PPP1R16B: variants seen among roughly 807,000 people sequenced by gnomAD.
The protein encoded by PPP1R16B is protein phosphatase 1 regulatory subunit 16B, also known as protein phosphatase 1 regulatory inhibitor subunit 16B.
A neutral mutation model predicts 61.7 loss-of-function variants in PPP1R16B; 14 were observed. That is an observed-to-expected ratio of 0.23 (90% CI 0.15 to 0.35). The LOEUF (loss-of-function observed/expected upper bound fraction) is 0.35. PPP1R16B is among the 10% of genes least tolerant of loss of function. The pLI is 1.00. For missense variants in PPP1R16B, 547 were observed against 752.5 expected (o/e 0.73, Z 3.19); for synonymous variants, 266 against 305.3 (o/e 0.87, Z 1.34).
At chr20:38,856,589 A>G (rs957626097) in intron 2 of PPP1R16B, among the ~76,000 whole-genome samples, 6 of 152,136 alleles carry the variant, frequency 3.9e-5, no homozygotes, top group Non-Finnish European at 7.4e-5. Flanking sequence ...CACAACTCAC[A>G]TCTGAGCCCC....
chr20:38,873,885 C>A (rs112922750), intron 2 of PPP1R16B, among the ~76,000 whole-genome samples: 59 of 152,130 alleles, frequency 3.9e-4, no homozygotes, highest in Non-Finnish European at 7.2e-4. Context: ...TGTGCCACCA[C>A]ACTCGGCTAA....
At chr20:38,855,978 A>AGGAGGAGGAGGAGGAGGAG (rs1555804346) in intron 2 of PPP1R16B, among the ~76,000 whole-genome samples, 50 of 29,752 alleles carry the variant, frequency 1.7e-3, no homozygotes, top group South Asian at 5.1e-3. Context: ...AGAGAGAGAG[A>AGGAGGAGGAGGAGGAGGAG]GAGAAGGAGG....
chr20:38,816,972 T>A (rs1158484751), intron 1 of PPP1R16B, among the ~76,000 whole-genome samples: 2 of 152,216 alleles, frequency 1.3e-5, no homozygotes, highest in African/African-American at 4.8e-5. Flanking sequence ...CACTCTCTCA[T>A]GGCAGAACAG....
At position 38,888,922 on chromosome 20, in the gene PPP1R16B, CA is replaced by C. The variant is rs1568675493; in HGVS notation, c.251-672del. On this transcript the variant is annotated intron_variant, in intron 2 of 10. Coordinates refer to ENST00000299824, the MANE Select transcript of PPP1R16B (RefSeq NM_015568.4). ...ACACACACACACACACACACACACA[CA>C]CACACCCCTAGACAAAATTCTAGGG... Among the ~76,000 whole-genome samples the C allele has an allele frequency of 3.8e-4, 57 of 149,946 alleles. 1 individual carries two copies. Among genetic ancestry groups the C allele is most frequent in the South Asian group, 2.5e-3 (12 of 4,772 alleles).
At chr20:38,899,177 G>GCT (rs1184245853) in intron 4 of PPP1R16B, among the ~76,000 whole-genome samples, 4 of 152,194 alleles carry the variant, frequency 2.6e-5, no homozygotes, top group Non-Finnish European at 5.9e-5. Flanking sequence ...GGATAAACTT[G>GCT]CTCTGGGGTG....
At chr20:38,879,833 C>T (rs950699736) in intron 2 of PPP1R16B, among the ~76,000 whole-genome samples, 5 of 152,176 alleles carry the variant, frequency 3.3e-5, no homozygotes, top group Non-Finnish European at 7.4e-5. Context: ...AGGTTTATAG[C>T]TACGTGTCTG....
At chr20:38,865,732 G>A (rs1235668756) in intron 2 of PPP1R16B, among the ~76,000 whole-genome samples, 2 of 152,192 alleles carry the variant, frequency 1.3e-5, no homozygotes, top group East Asian at 1.9e-4. Context: ...TGGCAGGGCC[G>A]GATTCCTATC....
chr20:38,863,103 T>C (rs2085065083), intron 2 of PPP1R16B, among the ~76,000 whole-genome samples: 1 of 152,104 alleles, frequency 6.6e-6, no homozygotes, highest in Non-Finnish European at 1.5e-5. Context: ...AACTGAAGCT[T>C]CTGAACCATG....
At chr20:38,916,016 C>A (rs1046431270) in intron 10 of PPP1R16B, among the ~76,000 whole-genome samples, 1 of 150,246 alleles carries the variant, frequency 6.7e-6, no homozygotes, top group African/African-American at 2.5e-5. Context: ...CACCAAGAAA[C>A]GGTCTCTCCA....
intron 1 of PPP1R16B, among the ~76,000 whole-genome samples, chr20:38,823,486 C>G (rs1437179714): frequency 6.6e-6 from 1 of 152,038 alleles, no homozygotes; most frequent in Admixed American, 6.6e-5. Flanking sequence ...GCTAAAAATA[C>G]AAAAATTAGC....
At chr20:38,880,551 C>T (rs536246672) in intron 2 of PPP1R16B, among the ~76,000 whole-genome samples, 13 of 152,278 alleles carry the variant, frequency 8.5e-5, no homozygotes, top group African/African-American at 3.1e-4. Context: ...CACCTGTACT[C>T]CCAGCTACTT....
rs531534207 is a variant in PPP1R16B, at chr20:38,871,586, AAGGG to A, written c.251-17991_251-17988del. Among the ~76,000 whole-genome samples the A allele has an allele frequency of 5.6e-4, 74 of 131,698 alleles. 1 individual carries two copies. Among genetic ancestry groups the A allele is most frequent in the Middle Eastern group, 4.0e-3 (1 of 252 alleles). The allele number at this position is 131,698 out of a possible 152,430, so 86.4% of individuals were successfully genotyped here. A position where few individuals can be genotyped will look rare whatever the true frequency, so the allele number is the denominator to read the frequency against. On this transcript the variant is annotated intron_variant, in intron 2 of 10. Coordinates refer to ENST00000299824, the MANE Select transcript of PPP1R16B (RefSeq NM_015568.4). ...GTAGAGAGTAAGGAAGAGAGGAACG[AAGGG>A]AGGGAGGGAGGGAGGGAAGGAAGGA...
chr20:38,894,973 G>T (rs2085323607), intron 3 of PPP1R16B, among the ~76,000 whole-genome samples: 1 of 152,234 alleles, frequency 6.6e-6, no homozygotes, highest in Non-Finnish European at 1.5e-5. Context: ...GAATGCTCAC[G>T]TTGAGCTGGA....
Position 38,836,042 on chromosome 20 carries a change from G to A in PPP1R16B, c.117G>A (p.Gln39=). Residue 39 remains glutamine, a synonymous_variant, in exon 2 of 11, where the codon CAG becomes CAA. Transcript: ENST00000299824. ...CCCAGCAGCTGAAGAAATGGGCACA[G>A]TACGAGCAGGACTTGCAGCACCGCA... ...RRAQQLKKWA[Q]YEQDLQHRKR... is the part of the protein sequence containing the mutation. 6.2e-7 allele frequency: 1 copy of A among 1,607,540 alleles called. No homozygotes were observed. The highest frequency in any genetic ancestry group is 2.2e-5 in the East Asian group (1 of 44,550).
At chr20:38,852,768 T>TTTTTTGG (rs1601257219) in intron 2 of PPP1R16B, among the ~76,000 whole-genome samples, 1 of 62,336 alleles carries the variant, frequency 1.6e-5, no homozygotes, top group Non-Finnish European at 3.0e-5. Flanking sequence ...TTTTTTTTTT[T>TTTTTTGG]GCGGGGGGTG....
chr20:38,809,447 C>T (rs1021636930), intron 1 of PPP1R16B, among the ~76,000 whole-genome samples: 1 of 152,176 alleles, frequency 6.6e-6, no homozygotes, highest in Non-Finnish European at 1.5e-5. Flanking sequence ...TCAGAGTTCT[C>T]CCTCTATGGG....
intron 6 of PPP1R16B, among the ~76,000 whole-genome samples, chr20:38,903,525 C>G (rs907344589): frequency 6.6e-6 from 1 of 151,496 alleles, no homozygotes; most frequent in Non-Finnish European, 1.5e-5. Flanking sequence ...ATCCATTGGT[C>G]CATCCAACCA....
intron 1 of PPP1R16B, among the ~76,000 whole-genome samples, chr20:38,827,046 C>T (rs1383498414): frequency 1.3e-5 from 2 of 152,106 alleles, no homozygotes; most frequent in African/African-American, 4.8e-5. Flanking sequence ...AACCCCTGGG[C>T]TCAAGTGATC....
intron 4 of PPP1R16B, among the ~76,000 whole-genome samples, chr20:38,898,575 C>G (rs768486594): frequency 2.0e-5 from 3 of 151,986 alleles, no homozygotes; most frequent in Non-Finnish European, 4.4e-5. Flanking sequence ...TTTGGGAGGC[C>G]AAAATGGGTG....
Sources: allele counts gnomAD v4.1 joint callset (sites outside exome capture counted in the v4.1 genomes callset), GRCh38; gene constraint gnomAD v4.1.1; transcripts MANE v1.5; gene names NCBI Gene and HGNC (gene_info 2026-07-23, HGNC 2026-07-21).